The following MAP1LC3A variants were observed in gnomAD, a reference collection of about 807,000 sequenced individuals.
MAP1LC3A encodes the protein microtubule associated protein 1 light chain 3 alpha.
In MAP1LC3A, 10 loss-of-function variants were observed where a neutral mutation model predicts 15.2. The ratio of observed to expected loss-of-function variants is 0.66; its 90% CI spans 0.41 to 1.12. The LOEUF is 1.12. Among genes scored for constraint, MAP1LC3A ranks in the 50% most tolerant of loss-of-function variants. The pLI, the probability that MAP1LC3A is intolerant of heterozygous loss-of-function variation, is 0.00. For missense variants in MAP1LC3A, 138 were observed against 167.3 expected (o/e 0.82, Z 0.97); for synonymous variants, 63 against 64.3 (o/e 0.98, Z 0.10).
intron 2 of MAP1LC3A, among the ~76,000 whole-genome samples, chr20:34,550,943 T>C (rs1247999438): frequency 6.6e-6 from 1 of 152,116 alleles, no homozygotes; most frequent in Admixed American, 6.6e-5. Flanking sequence ...GGGAACCTAC[T>C]TGATAGTTTA....
At chr20:34,557,854 G>A (rs888665021), upstream of MAP1LC3A, among the ~76,000 whole-genome samples, 1 of 152,140 alleles carries the variant, frequency 6.6e-6, no homozygotes, top group African/African-American at 2.4e-5. Flanking sequence ...GCTTGAACCC[G>A]GGAGGCAGAG....
upstream of MAP1LC3A, chr20:34,558,293 C>T: frequency 1.0e-6 from 1 of 985,882 alleles, no homozygotes; most frequent in Non-Finnish European, 1.2e-6. This position sits in a 1 kb window ranked among gnomAD's most constrained non-coding sequence, Gnocchi z 4.3. Flanking sequence ...CTGTTCTATC[C>T]TGTGTCTGAC....
upstream of MAP1LC3A, chr20:34,558,333 G>T (rs1175528439): frequency 1.0e-5 from 10 of 986,220 alleles, no homozygotes; most frequent in Non-Finnish European, 1.1e-5. This position sits in a 1 kb window ranked among gnomAD's most constrained non-coding sequence, Gnocchi z 4.3. Context: ...CCCTTCTCTC[G>T]CCCTAAGCCC....
At chr20:34,549,990 T>C (rs1398796593) in exon 2 of MAP1LC3A, 2 of 1,614,030 alleles carry the variant, frequency 1.2e-6, no homozygotes, top group Non-Finnish European at 1.7e-6. Flanking sequence ...GAAGATGAGA[T>C]TCTTCAGTTC....
chr20:34,547,904 A>C (rs1981799654), intron 1 of MAP1LC3A, among the ~76,000 whole-genome samples: 2 of 152,090 alleles, frequency 1.3e-5, no homozygotes, highest in African/African-American at 4.8e-5. Context: ...GGCCAGAATG[A>C]AACTTTGGAA....
At position 34,553,082 on chromosome 20, in the gene MAP1LC3A, G is replaced by A. The variant is rs967363392; in HGVS notation, c.52+3053G>A. Among the ~76,000 whole-genome samples, 4 of 152,276 alleles carry A rather than the reference G, an allele frequency of 2.6e-5. 1 individual carries two copies. Among genetic ancestry groups the A allele is most frequent in the African/African-American group, 2.4e-5 (1 of 41,566 alleles). On this transcript the variant is annotated intron_variant, in intron 2 of 4. Transcript: ENST00000374837. ...CGGGTGCCTGTAATCCCAGCCACTC[G>A]GGAGGCTGAGGCAGGAGAATCGCTT...
At chr20:34,555,666 T>A (rs1434976455), upstream of MAP1LC3A, among the ~76,000 whole-genome samples, 1 of 152,084 alleles carries the variant, frequency 6.6e-6, no homozygotes, top group East Asian at 1.9e-4. Context: ...TTTTTTTTTT[T>A]TAAAGAAATG....
intron 1 of MAP1LC3A, among the ~76,000 whole-genome samples, chr20:34,548,762 A>G (rs1329292977): frequency 2.0e-5 from 3 of 150,306 alleles, no homozygotes; most frequent in Admixed American, 6.6e-5. Context: ...CTGGAGTGCA[A>G]TGGCACAATC....
chr20:34,560,002 G>A lies in MAP1LC3A; in HGVS notation c.*104G>A. 7 of 1,272,810 alleles carry A rather than the reference G, an allele frequency of 5.5e-6. No homozygotes were observed. Among genetic ancestry groups the A allele is most frequent in the Non-Finnish European group, 7.5e-6 (7 of 929,632 alleles). 78.8% of individuals were successfully genotyped at this position (1,272,810 alleles called of 1,614,324 possible). ...TGAGCTGCCTCTACCGTGGTGGGCT[G>A]GGCAGGCATGTGCCCCCCTAGTCAG... On this transcript the variant is annotated 3_prime_UTR_variant, in exon 4 of 4. Transcript: ENST00000360668.
chr20:34,548,705 C>CT (rs112988331), intron 1 of MAP1LC3A, among the ~76,000 whole-genome samples: 305 of 142,296 alleles, frequency 2.1e-3, no homozygotes, highest in Middle Eastern at 7.4e-3. Context: ...CCTTCGCTGC[C>CT]TTTTTTTTTT....
rs761001798 is a variant in MAP1LC3A, at chr20:34,550,081, G to A, written c.52+52G>A. The A allele has an allele frequency of 5.7e-6, 9 of 1,569,664 alleles. No homozygotes were observed. In the South Asian group the frequency reaches 8.9e-5, roughly 15 times the overall value. ...TGAAGGAGCTCAGGGCCTATGGTCT[G>A]TCCACACTCGCGGTCATCAGTGGCC... On this transcript the variant is annotated intron_variant, in intron 2 of 4. Transcript: ENST00000374837.
intron 1 of MAP1LC3A, 21 bp from the exon 2 acceptor site, chr20:34,559,187 C>G (rs1367620828): frequency 6.4e-7 from 1 of 1,568,588 alleles, no homozygotes; most frequent in East Asian, 2.4e-5. Context: ...CCCGGCCTCA[C>G]GGTCTGGCCG....
At chr20:34,550,271 A>G (rs1207991401) in intron 2 of MAP1LC3A, among the ~76,000 whole-genome samples, 1 of 152,214 alleles carries the variant, frequency 6.6e-6, no homozygotes, top group African/African-American at 2.4e-5. Flanking sequence ...CCCCCTGAGC[A>G]GAAACGACTC....
chr20:34,547,204 G>A (rs1238348361), intron 1 of MAP1LC3A, among the ~76,000 whole-genome samples: 2 of 152,092 alleles, frequency 1.3e-5, no homozygotes, highest in South Asian at 4.1e-4. Context: ...TGGCCCTTTT[G>A]CAGCATCTTT....
chr20:34,551,020 G>A (rs764620286), intron 2 of MAP1LC3A, among the ~76,000 whole-genome samples: 11 of 151,940 alleles, frequency 7.2e-5, no homozygotes, highest in African/African-American at 1.9e-4. Flanking sequence ...GGCTGAAACC[G>A]GTAGATCAGG....
chr20:34,557,966 G>C (rs887758495), upstream of MAP1LC3A: 2 of 295,630 alleles, frequency 6.8e-6, no homozygotes, highest in South Asian at 1.3e-4. Flanking sequence ...TCTTCAGTCT[G>C]CGCATTCTGC....
chr20:34,559,760 G>A lies in MAP1LC3A; in HGVS notation c.228G>A (p.Thr76=), dbSNP rs757726074. The change falls in exon 4 of 4, where the codon ACG becomes ACA. Residue 76 remains threonine, a synonymous_variant. Transcript: ENST00000360668. ...GGCGCCGCCTGCAGCTGAACCCCAC[G>A]CAGGCCTTCTTCCTGCTGGTGAACC... is the stretch of plus-strand genomic sequence containing the variant. The part of the protein sequence containing the change: ...IIRRRLQLNP[T]QAFFLLVNQH... The A allele has an allele frequency of 6.4e-7, 1 of 1,565,762 alleles. No individual in the cohort carries two copies. The highest frequency in any genetic ancestry group is 1.1e-5 in the South Asian group (1 of 90,244).
rs1982265525 is a variant in MAP1LC3A at position 34,558,770 on chromosome 20, G to A, written c.-99G>A. On this transcript the variant is annotated 5_prime_UTR_variant, in exon 1 of 4. Coordinates refer to ENST00000360668, the MANE Select transcript of MAP1LC3A (RefSeq NM_032514.4). This position sits in a 1 kb window ranked among gnomAD's most constrained non-coding sequence, Gnocchi z 4.3. Reference sequence around the variant, plus strand: ...CGCCGTGCTCAGCGCGAGCCCCGGAGCCCTTGAGCGCGAGGCGCGGAGCCC... The same window carrying A: ...CGCCGTGCTCAGCGCGAGCCCCGGAACCCTTGAGCGCGAGGCGCGGAGCCC... 2 of 1,345,326 alleles carry A rather than the reference G, an allele frequency of 1.5e-6. No homozygotes were observed. The highest frequency in any genetic ancestry group is 3.8e-5 in the South Asian group (2 of 52,430). The allele number at this position is 1,345,326 out of a possible 1,614,324, so 83.3% of individuals were successfully genotyped here.
chr20:34,559,527 A>AGT (rs896565262), intron 3 of MAP1LC3A, 74 bp downstream of exon 3: 20 of 1,399,234 alleles, frequency 1.4e-5, no homozygotes, highest in Non-Finnish European at 2.0e-5. Flanking sequence ...AAGGGGTGGG[A>AGT]GTGGGGTCAG....
Sources: gnomAD v4.1 joint callset for allele counts (sites outside exome capture counted in the v4.1 genomes callset) on GRCh38, gnomAD v4.1.1 for gene constraint, Gnocchi (gnomAD v3.1) non-coding constraint, MANE v1.5 for transcripts, NCBI Gene and HGNC (gene_info 2026-07-23, HGNC 2026-07-21) for gene names.